PPFIA2: variants seen among roughly 807,000 people sequenced by gnomAD.
PPFIA2 encodes the protein PPFI scaffold protein A2.
A neutral mutation model predicts 175.5 loss-of-function variants in PPFIA2; 46 were observed. The observed-to-expected ratio is 0.26, with a 90% CI of 0.21 to 0.34. The LOEUF (loss-of-function observed/expected upper bound fraction) is 0.34, where lower values mean the gene tolerates loss of function less well. Among genes scored for constraint, PPFIA2 ranks in the 10% least tolerant of loss-of-function variants. The pLI, the probability that PPFIA2 is intolerant of heterozygous loss-of-function variation, is 1.00. For missense variants in PPFIA2, 1,179 were observed against 1,506.1 expected (o/e 0.78, Z 3.60); for synonymous variants, 568 against 511.4 (o/e 1.11, Z -1.49).
intron 7 of PPFIA2, among the ~76,000 whole-genome samples, chr12:81,412,515 C>T (rs1194696605): frequency 6.6e-6 from 1 of 151,614 alleles, no homozygotes; most frequent in Admixed American, 6.6e-5. Flanking sequence ...GGTAAAAGAC[C>T]CTGAGACTAT....
chr12:81,421,878 G>A (rs991204061), intron 7 of PPFIA2, among the ~76,000 whole-genome samples: 1 of 151,682 alleles, frequency 6.6e-6, no homozygotes, highest in Admixed American at 6.6e-5. Context: ...TATGCAAATG[G>A]TAACCAAAAG....
At chr12:81,623,036 T>A (rs1167525027) in intron 4 of PPFIA2, among the ~76,000 whole-genome samples, 1 of 152,158 alleles carries the variant, frequency 6.6e-6, no homozygotes, top group African/African-American at 2.4e-5. Flanking sequence ...TTTTTGGTTT[T>A]GCTTTTCAGA....
At chr12:81,629,819 T>G (rs2063155348) in intron 4 of PPFIA2, among the ~76,000 whole-genome samples, 1 of 152,170 alleles carries the variant, frequency 6.6e-6, no homozygotes, top group Admixed American at 6.5e-5. Context: ...ACAGGATTTC[T>G]GTGATGGGCA....
intron 9 of PPFIA2, among the ~76,000 whole-genome samples, chr12:81,378,841 A>T (rs947910948): frequency 2.6e-5 from 4 of 152,176 alleles, no homozygotes; most frequent in Non-Finnish European, 4.4e-5. Context: ...GTTATAAGGG[A>T]TCAGTATTGG....
chr12:81,503,752 A>G (rs1173896962), intron 4 of PPFIA2, among the ~76,000 whole-genome samples: 1 of 152,086 alleles, frequency 6.6e-6, no homozygotes, highest in Non-Finnish European at 1.5e-5. Flanking sequence ...TTAAAAATTG[A>G]CCTAAAAGCC....
chr12:81,719,374 C>T (rs780750339), intron 3 of PPFIA2, among the ~76,000 whole-genome samples: 7 of 151,470 alleles, frequency 4.6e-5, no homozygotes, highest in Non-Finnish European at 7.4e-5. Flanking sequence ...GGTCCATATC[C>T]TAGCTCTGAT....
At chr12:81,450,721 G>A (rs529095262) in intron 5 of PPFIA2, among the ~76,000 whole-genome samples, 46 of 152,202 alleles carry the variant, frequency 3.0e-4, no homozygotes, top group African/African-American at 1.1e-3. Context: ...TCATCCCTAT[G>A]TCCTGAATGG....
intron 4 of PPFIA2, chr12:81,598,261 C>A (rs2153452800): frequency 7.8e-7 from 1 of 1,285,896 alleles, no homozygotes; most frequent in South Asian, 2.3e-5. Context: ...TTCTCTAGAA[C>A]ATACAATGTT....
intron 7 of PPFIA2, among the ~76,000 whole-genome samples, chr12:81,422,132 ATATATGTGTATATATATGTGTG>A (rs1373796963): frequency 0.037 from 2,771 of 75,722 alleles, 95 homozygotes; most frequent in East Asian, 0.22. Flanking sequence ...ATGTGTGTAT[ATATATGTGTATATATATGTGTG>A]TATATATATA....
At chr12:81,447,679 C>A (rs770690623) in intron 5 of PPFIA2, among the ~76,000 whole-genome samples, 1 of 152,184 alleles carries the variant, frequency 6.6e-6, no homozygotes, top group Non-Finnish European at 1.5e-5. Context: ...TTTCCCATTG[C>A]AATAAAAGCT....
At chr12:81,414,616 T>C (rs901481713) in intron 7 of PPFIA2, among the ~76,000 whole-genome samples, 1 of 151,616 alleles carries the variant, frequency 6.6e-6, no homozygotes, top group Non-Finnish European at 1.5e-5. Context: ...TTTTCATCTA[T>C]TTTTATCCCA....
intron 4 of PPFIA2, among the ~76,000 whole-genome samples, chr12:81,551,673 T>A (rs2067950457): frequency 6.6e-6 from 1 of 151,992 alleles, no homozygotes; most frequent in Non-Finnish European, 1.5e-5. Context: ...ATCTTATGTT[T>A]TTATAGTTAC....
At chr12:81,464,701 A>G (rs1263197657) in intron 4 of PPFIA2, among the ~76,000 whole-genome samples, 1 of 152,134 alleles carries the variant, frequency 6.6e-6, no homozygotes, top group Non-Finnish European at 1.5e-5. Context: ...ACAGGAAATT[A>G]AAGAGTGTAT....
At chr12:81,617,926 G>A (rs1339727158) in intron 4 of PPFIA2, among the ~76,000 whole-genome samples, 1 of 152,190 alleles carries the variant, frequency 6.6e-6, no homozygotes, top group African/African-American at 2.4e-5. Flanking sequence ...GTGGGGAAAG[G>A]AAAATGAGAA....
rs1567640456 is a variant in PPFIA2, at chr12:81,630,901, T to TATATA, written c.303+45889_303+45890insTATAT. The stretch of plus-strand genomic sequence containing the variant: ...AAAGGCTATATATATATATATATAT[T>TATATA]TTTTTTTTTTTTCCAGACAGAGTCT... On this transcript the variant is annotated intron_variant, in intron 4 of 32. Coordinates refer to ENST00000549396, the MANE Select transcript of PPFIA2 (RefSeq NM_003625.5). Among the ~76,000 whole-genome samples the TATATA allele has an allele frequency of 8.3e-5, 4 of 48,228 alleles. No homozygotes were observed. In the East Asian group the frequency reaches 3.1e-3, roughly 37 times the overall value. The allele number at this position is 48,228 out of a possible 152,430, so 31.6% of individuals were successfully genotyped here.
At position 81,657,285 on chromosome 12, in the gene PPFIA2, A is replaced by C. The variant is rs190190354; in HGVS notation, c.303+19506T>G. ...GGTTTGCAATTTCCTACAAAGCCAA[A>C]GTTTAATGAATACTAATGACAGAAC... On this transcript the variant is annotated intron_variant, in intron 4 of 32. Transcript: ENST00000549396. 2.0e-5 allele frequency among the ~76,000 whole-genome samples: 3 copies of C among 152,354 alleles called. No homozygotes were observed. In the East Asian group the frequency reaches 5.8e-4, roughly 29 times the overall value.
intron 4 of PPFIA2, among the ~76,000 whole-genome samples, chr12:81,474,577 C>G (rs1488000637): frequency 6.6e-6 from 1 of 152,190 alleles, no homozygotes; most frequent in Non-Finnish European, 1.5e-5. Context: ...CAGGCATGAG[C>G]TATTGAGCCT....
intron 4 of PPFIA2, among the ~76,000 whole-genome samples, chr12:81,533,528 C>T (rs547909421): frequency 6.6e-6 from 1 of 151,540 alleles, no homozygotes; most frequent in East Asian, 1.9e-4. Flanking sequence ...AAATTTTCCA[C>T]CTTTGAAAAT....
chr12:81,375,530 T>C (rs2141708004), intron 10 of PPFIA2, among the ~76,000 whole-genome samples: 1 of 152,266 alleles, frequency 6.6e-6, no homozygotes, highest in South Asian at 2.1e-4. Context: ...AGGTAATACA[T>C]GAAAACTGTT....
Sources: gnomAD v4.1 joint callset for allele counts (sites outside exome capture counted in the v4.1 genomes callset) on GRCh38, gnomAD v4.1.1 for gene constraint, MANE v1.5 for transcripts, NCBI Gene and HGNC (gene_info 2026-07-23, HGNC 2026-07-21) for gene names.